The following MPP7 variants were observed in gnomAD, a reference collection of about 807,000 sequenced individuals.
The protein encoded by MPP7 is MAGUK p55 subfamily member 7.
MPP7 carries 60 observed loss-of-function variants against 76.5 expected under a neutral mutation model. That is an observed-to-expected ratio of 0.78 (90% CI 0.64 to 0.97). The LOEUF (loss-of-function observed/expected upper bound fraction) is 0.97. MPP7 is among the 50% of genes least tolerant of loss of function. The pLI is 0.00. For missense variants in MPP7, 641 were observed against 694.0 expected (o/e 0.92, Z 0.86); for synonymous variants, 237 against 244.5 (o/e 0.97, Z 0.29).
At chr10:28,086,014 T>C (rs1040410041) in intron 12 of MPP7, among the ~76,000 whole-genome samples, 1 of 152,082 alleles carries the variant, frequency 6.6e-6, no homozygotes, top group Non-Finnish European at 1.5e-5. Flanking sequence ...TTGGAAACCA[T>C]CATTCTCAGC....
chr10:28,330,986 CA>C (rs1445706789), intron 1 of MPP7, among the ~76,000 whole-genome samples: 75 of 152,126 alleles, frequency 4.9e-4, no homozygotes, highest in Non-Finnish European at 4.6e-4. Context: ...TTCTTTAACA[CA>C]GTACCGTATT....
chr10:28,162,659 C>T (rs753837364), intron 3 of MPP7, among the ~76,000 whole-genome samples: 3 of 152,106 alleles, frequency 2.0e-5, no homozygotes, highest in Non-Finnish European at 4.4e-5. Context: ...AAATGGCTCC[C>T]AAAGATTCTC....
chr10:28,135,592 T>C (rs1419680868), intron 5 of MPP7, among the ~76,000 whole-genome samples: 1 of 152,184 alleles, frequency 6.6e-6, no homozygotes, highest in East Asian at 1.9e-4. Flanking sequence ...GTTGAGAAAC[T>C]GCATTACAAG....
chr10:28,064,238 T>A (rs571690737), intron 13 of MPP7, among the ~76,000 whole-genome samples: 1 of 152,298 alleles, frequency 6.6e-6, no homozygotes, highest in East Asian at 1.9e-4. Context: ...TTCTATACAA[T>A]GGAATGCTAT....
intron 1 of MPP7, among the ~76,000 whole-genome samples, chr10:28,275,438 G>T (rs535283823): frequency 6.9e-6 from 1 of 144,434 alleles, no homozygotes; most frequent in South Asian, 2.2e-4. Context: ...ACAGAGTCTC[G>T]CTCTGTCACC....
intron 11 of MPP7, among the ~76,000 whole-genome samples, chr10:28,116,027 G>A (rs766576475): frequency 1.7e-4 from 26 of 151,966 alleles, no homozygotes; most frequent in Non-Finnish European, 8.8e-5. Flanking sequence ...AAACTTTTAG[G>A]TTCTTATATT....
intron 12 of MPP7, among the ~76,000 whole-genome samples, chr10:28,070,772 C>G (rs1456018476): frequency 6.6e-6 from 1 of 152,186 alleles, no homozygotes; most frequent in Non-Finnish European, 1.5e-5. Flanking sequence ...CAAATTGACT[C>G]TGATCTTAAA....
Position 28,152,941 on chromosome 10 carries a change from C to G in MPP7, c.157-2882G>C, listed in dbSNP as rs568121014. On this transcript the variant is annotated intron_variant, in intron 3 of 16. Transcript: ENST00000683449. ...TATTTTAACTACACATTTCCCTTTGCAGATTCAAGACATAATAAAAGTACA... is the reference window on the plus strand; with the variant it reads ...TATTTTAACTACACATTTCCCTTTGGAGATTCAAGACATAATAAAAGTACA... 3.0e-5 allele frequency among the ~76,000 whole-genome samples: 4 copies of G among 133,402 alleles called. No individual in the cohort carries two copies. The Admixed American group carries it at 3.2e-4, about 11-fold the overall frequency. 87.5% of individuals were successfully genotyped at this position (133,402 alleles called of 152,430 possible).
chr10:28,277,782 T>C (rs1840548466), intron 1 of MPP7, among the ~76,000 whole-genome samples: 1 of 151,996 alleles, frequency 6.6e-6, no homozygotes, highest in Non-Finnish European at 1.5e-5. Context: ...CAAGAGATTA[T>C]CGCACAAGAG....
Position 28,250,047 on chromosome 10 carries a change from T to C in MPP7, c.-131-11312A>G, listed in dbSNP as rs145269638. On this transcript the variant is annotated intron_variant, in intron 1 of 16. Coordinates refer to ENST00000683449, the MANE Select transcript of MPP7 (RefSeq NM_001318170.2). The stretch of plus-strand genomic sequence containing the variant: ...AAAAAACTGTAGAAAGAAACTATTA[T>C]ATAACCACAAATTACTAACAGTAAA... 2.6e-3 allele frequency among the ~76,000 whole-genome samples: 393 copies of C among 152,022 alleles called. 5 individuals are homozygous for C. The highest frequency in any genetic ancestry group is 0.023 in the Admixed American group (348 of 15,254).
rs189655633 is a variant in MPP7 at position 28,301,073 on chromosome 10, G to A, written c.-132+1788C>T. Reference sequence around the variant, plus strand: ...CCCTAAGCCTTAACATCATACAAGCGGCTACTCCCAACTACCCATTTCAGC... The same window carrying A: ...CCCTAAGCCTTAACATCATACAAGCAGCTACTCCCAACTACCCATTTCAGC... On this transcript the variant is annotated intron_variant, in intron 1 of 16. Transcript: ENST00000683449. Among the ~76,000 whole-genome samples, 60 of 152,008 alleles carry A rather than the reference G, an allele frequency of 3.9e-4. No homozygotes were observed. In the South Asian group the frequency reaches 5.4e-3, roughly 14 times the overall value.
chr10:28,325,995 AATTC>A (rs1564773348), intron 2 of MPP7, among the ~76,000 whole-genome samples: 4 of 151,246 alleles, frequency 2.6e-5, no homozygotes, highest in Admixed American at 6.6e-5. Flanking sequence ...AAAAAAAAAA[AATTC>A]CTTAAAGAGA....
At position 28,059,732 on chromosome 10, in the gene MPP7, C is replaced by T. The variant is rs143436223; in HGVS notation, c.1216G>A (p.Ala406Thr). The T allele has an allele frequency of 1.2e-6, 2 of 1,611,830 alleles. No homozygotes were observed. The highest frequency in any genetic ancestry group is 2.2e-5 in the East Asian group (1 of 44,772). The change falls in exon 14 of 17, where the codon GCA (alanine) becomes ACA (threonine). Residue 406 changes from alanine (A) to threonine (T), a missense_variant. Transcript: ENST00000683449. ...YGVTVPHTTR[A>T]RRSQESDGVE... The stretch of plus-strand genomic sequence containing the variant: ...CCATCACTCTCCTGGCTTCTTCTTG[C>T]TCTGGTGGTATCTATGATTTAATGA...
intron 1 of MPP7, among the ~76,000 whole-genome samples, chr10:28,239,312 ATT>A (rs992601040): frequency 6.9e-6 from 1 of 144,282 alleles, no homozygotes. Flanking sequence ...AGCCTGGCTA[ATT>A]TTTTTTTTTT....
At chr10:28,077,485 G>A (rs1852550498) in intron 12 of MPP7, among the ~76,000 whole-genome samples, 1 of 152,160 alleles carries the variant, frequency 6.6e-6, no homozygotes, top group African/African-American at 2.4e-5. Flanking sequence ...CACTGGAGAA[G>A]TTCTAGAGTC....
At chr10:28,238,496 C>A in intron 2 of MPP7, 72 bp downstream of exon 2, 1 of 1,502,554 alleles carries the variant, frequency 6.7e-7, no homozygotes, top group Non-Finnish European at 9.3e-7. Flanking sequence ...TTGCTTAAAG[C>A]ATGCTGTATT....
At chr10:28,297,685 C>T (rs1589038741) in intron 1 of MPP7, among the ~76,000 whole-genome samples, 1 of 152,096 alleles carries the variant, frequency 6.6e-6, no homozygotes, top group East Asian at 1.9e-4. Context: ...GGCAACAGAG[C>T]GAGACTCCGT....
intron 1 of MPP7, among the ~76,000 whole-genome samples, chr10:28,244,187 C>G (rs112011890): frequency 6.6e-6 from 1 of 152,138 alleles, no homozygotes; most frequent in Admixed American, 6.6e-5. Flanking sequence ...ATTCTATATC[C>G]TTACATCCTA....
At chr10:28,136,964 A>T (rs77072476) in intron 5 of MPP7, among the ~76,000 whole-genome samples, 7,084 of 152,240 alleles carry the variant, frequency 0.047, 253 homozygotes, top group Non-Finnish European at 0.065. Context: ...AATAGTCCAA[A>T]TATGATGAAA....
Sources: allele counts gnomAD v4.1 joint callset (sites outside exome capture counted in the v4.1 genomes callset), GRCh38; gene constraint gnomAD v4.1.1; transcripts MANE v1.5; gene names NCBI Gene and HGNC (gene_info 2026-07-23, HGNC 2026-07-21).